The following FBXO34 variants were observed in gnomAD, a reference collection of about 807,000 sequenced individuals.
The protein encoded by FBXO34 is F-box only protein 34.
Under a neutral mutation model 24.5 loss-of-function variants are expected in FBXO34, and 12 were observed. That is an observed-to-expected ratio of 0.49 (90% CI 0.31 to 0.79). The LOEUF (loss-of-function observed/expected upper bound fraction) is 0.79, where lower values mean the gene tolerates loss of function less well. Ranked by LOEUF, FBXO34 falls within the 30% of genes least tolerant of loss-of-function variation. The probability of loss-of-function intolerance (pLI) is 0.04; values close to 1 mark genes in which losing one functional copy is unlikely to be tolerated. For synonymous variants in FBXO34, 320 were observed against 311.9 expected, an observed-to-expected ratio of 1.03 and a Z score of -0.27; for missense variants, 823 against 857.7, an observed-to-expected ratio of 0.96 and a Z score of 0.51.
the FBXO34 span, chr14:55,382,143 G>A: frequency 1.7e-4 from 280 of 1,614,126 alleles, no homozygotes; most frequent in African/African-American, 3.5e-3. Context: ...TGCTCACAGT[G>A]CTGGAGGTCA....
downstream of FBXO34, among the ~76,000 whole-genome samples, chr14:55,358,604 C>A (rs928717795): frequency 3.4e-5 from 5 of 145,466 alleles, no homozygotes; most frequent in African/African-American, 1.2e-4. Context: ...CAGTGCCTGC[C>A]CCCTTGATCC....
downstream of FBXO34, chr14:55,369,774 G>A (rs1173584959): frequency 6.8e-6 from 11 of 1,614,054 alleles, no homozygotes; most frequent in African/African-American, 1.3e-5. Flanking sequence ...TCACAAAACC[G>A]GGGACTAGGC....
intron 1 of FBXO34, among the ~76,000 whole-genome samples, chr14:55,337,538 G>A (rs1390390099): frequency 6.6e-6 from 1 of 152,178 alleles, no homozygotes; most frequent in Non-Finnish European, 1.5e-5. Flanking sequence ...TCTAATGATG[G>A]CTGCTTTTAT....
At chr14:55,375,801 T>C in the FBXO34 span, among the ~76,000 whole-genome samples, 2 of 152,230 alleles carry the variant, frequency 1.3e-5, no homozygotes, top group East Asian at 3.8e-4. Context: ...TCAGAGCTGT[T>C]AACACAGCAC....
chr14:55,312,866 G>C (rs1461033045), intron 1 of FBXO34, among the ~76,000 whole-genome samples: 1 of 152,246 alleles, frequency 6.6e-6, no homozygotes, highest in Non-Finnish European at 1.5e-5. Context: ...GGGCTGCTGT[G>C]AAGACCTCTG....
downstream of FBXO34, chr14:55,369,429 A>T (rs1884760378): frequency 2.1e-6 from 1 of 483,790 alleles, no homozygotes; most frequent in Non-Finnish European, 3.5e-6. Flanking sequence ...TATCATAAGC[A>T]TGTTGGTCAC....
rs1566555841 is a variant in FBXO34 at position 55,323,219 on chromosome 14, AT to A, written c.-10-27161del. On this transcript the variant is annotated intron_variant, in intron 1 of 1. Transcript: ENST00000313833. ...AAAAAAAAAAAAAAAAAAAAAAAAAATATATATTTTTTTTTTTTTTTTTTTT... is the reference window on the plus strand; with the variant it reads ...AAAAAAAAAAAAAAAAAAAAAAAAAAATATATTTTTTTTTTTTTTTTTTTT... Among the ~76,000 whole-genome samples, 138 of 27,638 alleles carry A rather than the reference AT, an allele frequency of 5.0e-3. 6 individuals carry two copies. The highest frequency in any genetic ancestry group is 9.5e-3 in the East Asian group (8 of 840). 18.1% of individuals were successfully genotyped at this position (27,638 alleles called of 152,430 possible). A position where few individuals can be genotyped will look rare whatever the true frequency, so the allele number is the denominator to read the frequency against.
rs1491162353 is a variant in FBXO34, at chr14:55,353,277, T to TG, written c.*751_*752insG. The TG allele has an allele frequency of 2.3e-5, 1 of 43,252 alleles. No individual in the cohort carries two copies. Among genetic ancestry groups the TG allele is most frequent in the Non-Finnish European group, 5.5e-5 (1 of 18,268 alleles). 2.7% of individuals were successfully genotyped at this position (43,252 alleles called of 1,614,324 possible). On this transcript the variant is annotated 3_prime_UTR_variant, in exon 2 of 2. Coordinates refer to ENST00000313833, the MANE Select transcript of FBXO34 (RefSeq NM_017943.4). ...ATAGTGTTGCGGCTATAATTTTGTGTTTTTTTTTTTTAATTGTCTAGTCTT... is the reference window on the plus strand; with the variant it reads ...ATAGTGTTGCGGCTATAATTTTGTGTGTTTTTTTTTTTAATTGTCTAGTCTT...
intron 1 of FBXO34, among the ~76,000 whole-genome samples, chr14:55,278,794 T>C (rs1449450386): frequency 9.9e-5 from 15 of 152,160 alleles, no homozygotes; most frequent in Non-Finnish European, 2.9e-5. Context: ...TCAAGTGATC[T>C]TCTCACCTCA....
intron 1 of FBXO34, among the ~76,000 whole-genome samples, chr14:55,342,580 G>T (rs1323614303): frequency 1.3e-5 from 2 of 152,082 alleles, no homozygotes; most frequent in African/African-American, 4.8e-5. Flanking sequence ...TGTGGGAGTT[G>T]GATGCATTTT....
chr14:55,429,425 G>A, the FBXO34 span, among the ~76,000 whole-genome samples: 7 of 152,308 alleles, frequency 4.6e-5, no homozygotes, highest in South Asian at 1.5e-3. Flanking sequence ...GCTGCTCACT[G>A]CAGTTTGGGA....
the FBXO34 span, chr14:55,440,684 G>A: frequency 2.0e-6 from 2 of 1,014,170 alleles, no homozygotes; most frequent in Non-Finnish European, 2.8e-6. Flanking sequence ...AAGCGGAGAT[G>A]GGCTAGGGGT....
intron 1 of FBXO34, among the ~76,000 whole-genome samples, chr14:55,298,219 G>GT (rs112755621): frequency 2.0e-4 from 29 of 146,966 alleles, no homozygotes; most frequent in South Asian, 8.7e-4. Context: ...TTTTTTTTGC[G>GT]TTTTTTTTTA....
chr14:55,325,073 T>C (rs1883295718), intron 1 of FBXO34, among the ~76,000 whole-genome samples: 1 of 152,212 alleles, frequency 6.6e-6, no homozygotes, highest in Admixed American at 6.5e-5. Flanking sequence ...TACCTTCACA[T>C]TGCAGATTAA....
At chr14:55,435,917 A>G in the FBXO34 span, 1 of 1,580,654 alleles carries the variant, frequency 6.3e-7, no homozygotes, top group Non-Finnish European at 8.5e-7. Flanking sequence ...GGCCAGGTTT[A>G]CAGTGGAAAC....
intron 1 of FBXO34, among the ~76,000 whole-genome samples, chr14:55,341,767 G>C (rs555548533): frequency 1.3e-5 from 2 of 152,298 alleles, no homozygotes; most frequent in South Asian, 4.2e-4. Context: ...GTGATATGCT[G>C]GAGTTTTGTG....
At chr14:55,366,261 C>T (rs1046844314), downstream of FBXO34, 1 of 152,496 alleles carries the variant, frequency 6.6e-6, no homozygotes, top group Non-Finnish European at 1.5e-5. Context: ...TTTTTTCTTA[C>T]CTGGCAAAAA....
chr14:55,287,108 G>T (rs188241890), intron 1 of FBXO34, among the ~76,000 whole-genome samples: 1 of 151,904 alleles, frequency 6.6e-6, no homozygotes, highest in African/African-American at 2.4e-5. Flanking sequence ...GTTTCACCTT[G>T]TTGGCCAGGC....
At chr14:55,377,708 T>G in the FBXO34 span, 1 of 670,982 alleles carries the variant, frequency 1.5e-6, no homozygotes, top group East Asian at 2.7e-5. Context: ...ACTATTTTTG[T>G]CCGGTTTGAG....
Sources: allele counts gnomAD v4.1 joint callset (sites outside exome capture counted in the v4.1 genomes callset), GRCh38; gene constraint gnomAD v4.1.1; transcripts MANE v1.5; gene names NCBI Gene and HGNC (gene_info 2026-07-23, HGNC 2026-07-21).